The following TRDN variants were observed in gnomAD, a reference collection of about 807,000 sequenced individuals.
The protein encoded by TRDN is triadin in skeletal muscle.
A neutral mutation model predicts 149.7 loss-of-function variants in TRDN; 161 were observed. The observed-to-expected ratio is 1.08, with a 90% CI of 0.95 to 1.23. The LOEUF (loss-of-function observed/expected upper bound fraction) is 1.23, where lower values mean the gene tolerates loss of function less well. Ranked by LOEUF, TRDN falls within the 50% of genes most tolerant of loss-of-function variation. The pLI is 0.00. For synonymous variants in TRDN, 294 were observed against 250.5 expected (o/e 1.17, Z -1.64); for missense variants, 896 against 823.5 (o/e 1.09, Z -1.08).
chr6:123,405,183 T>C (rs1253257693), intron 12 of TRDN, among the ~76,000 whole-genome samples: 1 of 152,234 alleles, frequency 6.6e-6, no homozygotes, highest in Non-Finnish European at 1.5e-5. Context: ...TCCATGCTTA[T>C]ATGCACAAAT....
At chr6:123,601,389 G>T (rs1784267839) in intron 1 of TRDN, among the ~76,000 whole-genome samples, 1 of 152,056 alleles carries the variant, frequency 6.6e-6, no homozygotes, top group South Asian at 2.1e-4. Context: ...TCACCCCTGT[G>T]GTATGCATAC....
rs560153694 is a variant in TRDN, at chr6:123,228,444, A to G, written c.1976-4313T>C. On this transcript the variant is annotated intron_variant, in intron 38 of 40. Transcript: ENST00000334268. ...GAAGAGGCCTCAGGAAACTTACATC[A>G]CGGCAGAAACAGAAGTCAACGTGTC... Among the ~76,000 whole-genome samples, 8 of 152,078 alleles carry G rather than the reference A, an allele frequency of 5.3e-5. No homozygotes were observed. The East Asian group carries it at 9.7e-4, about 19-fold the overall frequency.
chr6:123,362,862 T>C (rs1321487148), intron 20 of TRDN, among the ~76,000 whole-genome samples: 2 of 152,156 alleles, frequency 1.3e-5, no homozygotes, highest in Non-Finnish European at 2.9e-5. Context: ...TTTCATATAA[T>C]ATATAATCCA....
At position 123,430,801 on chromosome 6, in the gene TRDN, G is replaced by A. The variant is rs191499574; in HGVS notation, c.1051+7262C>T. Among the ~76,000 whole-genome samples the A allele has an allele frequency of 3.9e-5, 6 of 152,140 alleles. No homozygotes were observed. The East Asian group carries it at 1.2e-3, about 29-fold the overall frequency. On this transcript the variant is annotated intron_variant, in intron 12 of 40. Transcript: ENST00000334268. Reference sequence around the variant, plus strand: ...CTAATATTTATTTTAAAATGCCCATGTCCTTACCTCATTTTTGCATTCAGC... The same window carrying A: ...CTAATATTTATTTTAAAATGCCCATATCCTTACCTCATTTTTGCATTCAGC...
At chr6:123,584,361 T>C (rs1036961177) in intron 1 of TRDN, among the ~76,000 whole-genome samples, 1 of 146,584 alleles carries the variant, frequency 6.8e-6, no homozygotes, top group Non-Finnish European at 1.5e-5. Flanking sequence ...CTAAAAGTAT[T>C]AGGGTGGCAG....
chr6:123,503,795 T>G lies in TRDN; in HGVS notation c.717A>C (p.Glu239Asp). ...KVKQTAAKVK[E>D]VQKTPSKPKE... ...TGGGTTTTGATGGTGTTTTCTGTACTTCTTTTACTTTTGCAGCTGTTTGCT... is the reference window on the plus strand; with the variant it reads ...TGGGTTTTGATGGTGTTTTCTGTACGTCTTTTACTTTTGCAGCTGTTTGCT... Residue 239 changes from glutamate (E) to aspartate (D), a missense_variant, in exon 8 of 41, where the codon GAA becomes GAC. Coordinates refer to ENST00000334268, the MANE Select transcript of TRDN (RefSeq NM_006073.4). 6.2e-7 allele frequency: 1 copy of G among 1,613,166 alleles called. No homozygotes were observed. The highest frequency in any genetic ancestry group is 8.5e-7 in the Non-Finnish European group (1 of 1,179,500).
chr6:123,325,116 G>T (rs1779392126), intron 23 of TRDN, among the ~76,000 whole-genome samples: 1 of 151,944 alleles, frequency 6.6e-6, no homozygotes, highest in Non-Finnish European at 1.5e-5. Context: ...TTGACTATGT[G>T]TTAGGATAAG....
chr6:123,339,692 C>T (rs891648), intron 21 of TRDN, among the ~76,000 whole-genome samples: 149,384 of 152,320 alleles, frequency 0.98, 73,264 homozygotes, highest in East Asian at 1. Flanking sequence ...ACCAATTATA[C>T]AAAAGCAAAA....
chr6:123,556,421 A>G (rs1049977000), intron 2 of TRDN, among the ~76,000 whole-genome samples: 4 of 152,062 alleles, frequency 2.6e-5, no homozygotes, highest in Non-Finnish European at 5.9e-5. Context: ...CTCAATGAAC[A>G]CTCCTCAAAG....
chr6:123,470,067 C>T (rs533047989), intron 9 of TRDN: 118 of 152,288 alleles, frequency 7.7e-4, no homozygotes, highest in African/African-American at 2.5e-3. Context: ...TGGTATGTTG[C>T]ACAGGTCTAG....
chr6:123,416,725 A>C (rs2084722852), intron 12 of TRDN, among the ~76,000 whole-genome samples: 1 of 143,206 alleles, frequency 7.0e-6, no homozygotes, highest in African/African-American at 2.6e-5. Context: ...TAGTTGACAG[A>C]GTCTTGCTCT....
chr6:123,583,303 T>C (rs1783231075), intron 1 of TRDN, among the ~76,000 whole-genome samples: 1 of 151,574 alleles, frequency 6.6e-6, no homozygotes, highest in Admixed American at 6.6e-5. Flanking sequence ...GGATGACAAG[T>C]TTTTGGGGGG....
At chr6:123,583,486 G>C (rs1783242968) in intron 1 of TRDN, among the ~76,000 whole-genome samples, 2 of 151,846 alleles carry the variant, frequency 1.3e-5, no homozygotes, top group South Asian at 4.2e-4. Flanking sequence ...GCTGAGCTTG[G>C]TGAGGTGTGT....
chr6:123,498,188 C>T (rs1778531990), intron 8 of TRDN: 1 of 165,946 alleles, frequency 6.0e-6, no homozygotes, highest in Admixed American at 5.9e-5. Flanking sequence ...CCGAAGGCAG[C>T]TTTAGGACCA....
intron 24 of TRDN, among the ~76,000 whole-genome samples, chr6:123,306,474 A>G (rs1047417727): frequency 5.3e-5 from 8 of 152,148 alleles, no homozygotes; most frequent in African/African-American, 1.7e-4. Flanking sequence ...ACTAAAACAA[A>G]GTCTAGAAAA....
At chr6:123,565,262 C>A (rs1191167062) in intron 2 of TRDN, among the ~76,000 whole-genome samples, 1 of 152,152 alleles carries the variant, frequency 6.6e-6, no homozygotes, top group South Asian at 2.1e-4. Context: ...TCTCCGGCAG[C>A]CTTTCTAAGC....
chr6:123,439,307 G>A (rs1297896737), intron 10 of TRDN, among the ~76,000 whole-genome samples: 1 of 152,084 alleles, frequency 6.6e-6, no homozygotes, highest in Non-Finnish European at 1.5e-5. Context: ...CCAAACAATT[G>A]TTTATCTAGT....
chr6:123,384,009 C>T (rs1781815916), intron 14 of TRDN, among the ~76,000 whole-genome samples: 1 of 152,014 alleles, frequency 6.6e-6, no homozygotes, highest in Non-Finnish European at 1.5e-5. Context: ...CTCTGAAAAC[C>T]AATGTGAAAA....
At chr6:123,562,780 T>C (rs1418775453) in intron 2 of TRDN, among the ~76,000 whole-genome samples, 1 of 152,232 alleles carries the variant, frequency 6.6e-6, no homozygotes, top group East Asian at 1.9e-4. Context: ...GCAAGTATTG[T>C]TGGATATTTA....
Sources: gnomAD v4.1 joint callset for allele counts (sites outside exome capture counted in the v4.1 genomes callset) on GRCh38, gnomAD v4.1.1 for gene constraint, MANE v1.5 for transcripts, NCBI Gene and HGNC (gene_info 2026-07-23, HGNC 2026-07-21) for gene names.